Variants in ACMSD observed in about 807,000 individuals in gnomAD.
The protein encoded by ACMSD is 2-amino-3-carboxymuconate-6-semialdehyde decarboxylase.
Under a neutral mutation model 45.9 loss-of-function variants are expected in ACMSD, and 37 were observed. That is an observed-to-expected ratio of 0.81 (90% CI 0.62 to 1.06). The LOEUF (loss-of-function observed/expected upper bound fraction) is 1.06. ACMSD is among the 50% of genes least tolerant of loss of function. ACMSD has a pLI of 0.00. For missense variants in ACMSD, 434 were observed against 420.9 expected, an observed-to-expected ratio of 1.03 and a Z score of -0.27; for synonymous variants, 138 against 148.8, an observed-to-expected ratio of 0.93 and a Z score of 0.53.
At chr2:134,850,819 A>G (rs1456590898) in intron 2 of ACMSD, among the ~76,000 whole-genome samples, 1 of 152,194 alleles carries the variant, frequency 6.6e-6, no homozygotes. Flanking sequence ...CTCAGAGGAT[A>G]CAGGTGCAGG....
chr2:134,897,517 T>C (rs1373728565), intron 8 of ACMSD, among the ~76,000 whole-genome samples: 1 of 152,174 alleles, frequency 6.6e-6, no homozygotes, highest in Non-Finnish European at 1.5e-5. Context: ...TGTATATCTT[T>C]CCAGCACAAG....
At chr2:134,885,898 C>A (rs1306601616) in intron 8 of ACMSD, among the ~76,000 whole-genome samples, 6 of 152,122 alleles carry the variant, frequency 3.9e-5, no homozygotes, top group Admixed American at 3.3e-4. Flanking sequence ...GGAAAAGCAG[C>A]TAGTCACATC....
chr2:134,844,780 A>G (rs1184931868), intron 1 of ACMSD, among the ~76,000 whole-genome samples: 1 of 152,194 alleles, frequency 6.6e-6, no homozygotes, highest in Non-Finnish European at 1.5e-5. Flanking sequence ...TGCTACATAC[A>G]TGATTTCCTG....
chr2:134,883,265 CA>C (rs200919806), intron 8 of ACMSD, among the ~76,000 whole-genome samples: 8 of 141,806 alleles, frequency 5.6e-5, no homozygotes, highest in African/African-American at 1.6e-4. Context: ...GGATCACAGA[CA>C]AAAAAAAAAC....
chr2:134,882,288 T>G (rs1270749141), intron 8 of ACMSD, among the ~76,000 whole-genome samples: 1 of 152,114 alleles, frequency 6.6e-6, no homozygotes. Flanking sequence ...TAACCTTCCT[T>G]TCTGTCTTCT....
chr2:134,876,653 AT>A (rs947797248), intron 8 of ACMSD, among the ~76,000 whole-genome samples: 13 of 152,056 alleles, frequency 8.5e-5, no homozygotes, highest in African/African-American at 2.9e-4. Flanking sequence ...TTTACAGTTA[AT>A]TTTTTTTAAT....
At chr2:134,862,138 T>TC in intron 4 of ACMSD, 120 bp downstream of exon 4, 1 of 1,062,938 alleles carries the variant, frequency 9.4e-7, no homozygotes, top group Non-Finnish European at 1.5e-6. Flanking sequence ...ACAACTGTCC[T>TC]CCCCTTTAGC....
intron 8 of ACMSD, among the ~76,000 whole-genome samples, chr2:134,879,345 AAG>A (rs1165955043): frequency 6.6e-6 from 1 of 152,174 alleles, no homozygotes; most frequent in Non-Finnish European, 1.5e-5. Flanking sequence ...GGCTTCTAAT[AAG>A]AGTCTTTACA....
chr2:134,838,846 G>GA, intron 1 of ACMSD, 107 bp downstream of exon 1: 1 of 752,144 alleles, frequency 1.3e-6, no homozygotes, highest in Non-Finnish European at 2.2e-6. Flanking sequence ...CTTTGGTGGG[G>GA]GGCGAGGGGG....
intron 8 of ACMSD, among the ~76,000 whole-genome samples, chr2:134,883,065 T>C (rs1689131367): frequency 6.6e-6 from 1 of 152,302 alleles, no homozygotes; most frequent in Admixed American, 6.5e-5. Context: ...GTCCAGAAGG[T>C]AGAATTCCAG....
chr2:134,857,079 T>C (rs1437500789), intron 2 of ACMSD, among the ~76,000 whole-genome samples: 4 of 152,210 alleles, frequency 2.6e-5, no homozygotes, highest in South Asian at 2.1e-4. Context: ...CAATGTATTA[T>C]AGTTTTCAGA....
In ACMSD at chr2:134,845,264, A is replaced by G. The variant is rs1559037989; in HGVS notation, c.89A>G (p.Gln30Arg). The stretch of plus-strand genomic sequence containing the variant: ...GGCTACGGAGGCTGGGTGCAGCTCC[A>G]ACACCACAGCAAGGTGAGTTTCTTC... ...RFGYGGWVQLQHHSKGEAKLL... is the reference protein window; with the variant it reads ...RFGYGGWVQLRHHSKGEAKLL... Residue 30 changes from glutamine to arginine, a missense_variant, in exon 2 of 10, where the codon CAA becomes CGA. Transcript: ENST00000356140. The G allele has an allele frequency of 1.9e-6, 3 of 1,614,108 alleles. No homozygotes were observed. The highest frequency in any genetic ancestry group is 2.5e-6 in the Non-Finnish European group (3 of 1,179,996).
chr2:134,840,823 G>T (rs762662580), intron 1 of ACMSD, among the ~76,000 whole-genome samples: 12 of 152,104 alleles, frequency 7.9e-5, no homozygotes, highest in Non-Finnish European at 7.3e-5. Flanking sequence ...ACATGAGTAA[G>T]TTCTTTAGTG....
chr2:134,850,833 G>T (rs1388393773), intron 2 of ACMSD, among the ~76,000 whole-genome samples: 1 of 152,238 alleles, frequency 6.6e-6, no homozygotes, highest in African/African-American at 2.4e-5. Context: ...GTGCAGGTTT[G>T]TTACCTGGGT....
intron 8 of ACMSD, among the ~76,000 whole-genome samples, chr2:134,888,332 C>T (rs1689574805): frequency 6.6e-6 from 1 of 152,146 alleles, no homozygotes; most frequent in Admixed American, 6.5e-5. Flanking sequence ...AAACACTGCA[C>T]ATCCACTGAA....
intron 8 of ACMSD, among the ~76,000 whole-genome samples, chr2:134,897,155 A>G (rs1209083188): frequency 2.6e-5 from 4 of 152,148 alleles, no homozygotes; most frequent in Admixed American, 2.6e-4. Flanking sequence ...TATCTCAAAA[A>G]AAAAAGAAAA....
intron 8 of ACMSD, among the ~76,000 whole-genome samples, chr2:134,885,275 AT>A (rs1260245056): frequency 1.3e-4 from 9 of 68,076 alleles, no homozygotes; most frequent in Admixed American, 2.7e-4. Context: ...ATAAATATAT[AT>A]ATTATATATT....
At chr2:134,858,119 T>C (rs1687666380) in intron 2 of ACMSD, among the ~76,000 whole-genome samples, 1 of 152,082 alleles carries the variant, frequency 6.6e-6, no homozygotes, top group African/African-American at 2.4e-5. Flanking sequence ...AGCCAAGATA[T>C]GGAATCAATC....
chr2:134,890,118 G>A (rs1019315304), intron 8 of ACMSD, among the ~76,000 whole-genome samples: 1 of 151,986 alleles, frequency 6.6e-6, no homozygotes, highest in Non-Finnish European at 1.5e-5. Flanking sequence ...CCCACAAATT[G>A]CTTATTAATC....
Sources: allele counts gnomAD v4.1 joint callset (sites outside exome capture counted in the v4.1 genomes callset), GRCh38; gene constraint gnomAD v4.1.1; transcripts MANE v1.5; gene names NCBI Gene and HGNC (gene_info 2026-07-23, HGNC 2026-07-21).